Variants in ADAMTS8 observed in about 807,000 individuals in gnomAD.
The protein encoded by ADAMTS8 is ADAM metallopeptidase with thrombospondin type 1 motif 8.
Under a neutral mutation model 64.4 loss-of-function variants are expected in ADAMTS8, and 50 were observed. The observed-to-expected ratio is 0.78, with a 90% CI of 0.62 to 0.98. The LOEUF (loss-of-function observed/expected upper bound fraction) is 0.98, where lower values mean the gene tolerates loss of function less well. Ranked by LOEUF, ADAMTS8 falls within the 50% of genes least tolerant of loss-of-function variation. ADAMTS8 has a pLI of 0.00. For missense variants in ADAMTS8, 1,192 were observed against 1,208.2 expected, an observed-to-expected ratio of 0.99 and a Z score of 0.20; for synonymous variants, 556 against 533.6, an observed-to-expected ratio of 1.04 and a Z score of -0.58.
chr11:130,427,664 G>C lies in ADAMTS8; in HGVS notation c.623C>G (p.Thr208Arg), dbSNP rs371977062. 127 of 1,594,872 alleles carry C rather than the reference G, an allele frequency of 8.0e-5. No individual in the cohort carries two copies. Among genetic ancestry groups the C allele is most frequent in the South Asian group, 1.8e-4 (16 of 88,194 alleles). The stretch of plus-strand genomic sequence containing the variant: ...AGACACAAACCGCTTGGTCCTACTC[G>C]TGGCCCCCAGGGGCGGTGGCGGCTC... The part of the protein sequence containing the change: ...ASEPPPPLGA[T>R]SRTKRFVSEA... Residue 208 changes from threonine to arginine, a missense_variant, in exon 1 of 9, where the codon ACG becomes AGG. Around this residue, in one of 5 missense-constraint regions of ADAMTS8, gnomAD observed 741 missense variants for 710.6 expected, o/e 1.04. Transcript: ENST00000257359.
In ADAMTS8 at chr11:130,428,347, G is replaced by T; in HGVS notation, c.-61C>A. 8.0e-7 allele frequency: 1 copy of T among 1,255,086 alleles called. No individual in the cohort carries two copies. Among genetic ancestry groups the T allele is most frequent in the Non-Finnish European group, 1.0e-6 (1 of 988,216 alleles). 77.7% of individuals were successfully genotyped at this position (1,255,086 alleles called of 1,614,324 possible). A position where few individuals can be genotyped will look rare whatever the true frequency, so the allele number is the denominator to read the frequency against. On this transcript the variant is annotated 5_prime_UTR_variant, in exon 1 of 9. Coordinates refer to ENST00000257359, the MANE Select transcript of ADAMTS8 (RefSeq NM_007037.6). Reference sequence around the variant, plus strand: ...AGAAGCCCGCCAGGCGCGGGCAGGTGCTGGCGGCCCGAGCGCGGCCCGGCC... The same window carrying T: ...AGAAGCCCGCCAGGCGCGGGCAGGTTCTGGCGGCCCGAGCGCGGCCCGGCC...
intron 1 of ADAMTS8, among the ~76,000 whole-genome samples, chr11:130,424,086 T>C (rs971336553): frequency 1.1e-4 from 16 of 152,196 alleles, no homozygotes; most frequent in African/African-American, 3.9e-4. Flanking sequence ...GGCCTCACAG[T>C]GGGCCTGGAT....
chr11:130,410,571 T>A (rs1861940085), intron 6 of ADAMTS8, among the ~76,000 whole-genome samples: 1 of 152,214 alleles, frequency 6.6e-6, no homozygotes, highest in South Asian at 2.1e-4. Flanking sequence ...AGCCTACAGA[T>A]TCTCCTGAGA....
rs904596604 is a variant in ADAMTS8, at chr11:130,416,656, C to G, written c.1096+284G>C. On this transcript the variant is annotated intron_variant, in intron 3 of 8. Coordinates refer to ENST00000257359, the MANE Select transcript of ADAMTS8 (RefSeq NM_007037.6). The surrounding 1 kb of genome is among the most constrained non-coding windows in gnomAD (Gnocchi z 4.8). ...GCTTGTGCACAGCTCCACGCCTCCA[C>G]CCCAGCACGTGTCTGGTGTCCTGTG... Among the ~76,000 whole-genome samples, 10 of 152,242 alleles carry G rather than the reference C, an allele frequency of 6.6e-5. No homozygotes were observed. Among genetic ancestry groups the G allele is most frequent in the African/African-American group, 2.4e-4 (10 of 41,464 alleles).
At chr11:130,408,424 C>T (rs1861910139) in intron 8 of ADAMTS8, 40 bp downstream of exon 8, 1 of 1,609,370 alleles carries the variant, frequency 6.2e-7, no homozygotes, top group Admixed American at 1.7e-5. Context: ...CCATTATGCT[C>T]TTCTACCAAG....
At chr11:130,418,970 T>C in intron 2 of ADAMTS8, 83 bp downstream of exon 2, 1 of 1,586,678 alleles carries the variant, frequency 6.3e-7, no homozygotes, top group Non-Finnish European at 8.6e-7. Context: ...GTTTCCCATG[T>C]TTGGGCAGGC....
At position 130,428,229 on chromosome 11, in the gene ADAMTS8, GCA is replaced by G. The variant is rs1210028039; in HGVS notation, c.56_57del (p.Leu19ProfsTer180). On this transcript the variant is annotated frameshift_variant, in exon 1 of 9. Coordinates refer to ENST00000257359, the MANE Select transcript of ADAMTS8 (RefSeq NM_007037.6). LOFTEE classifies it high-confidence loss of function. ...RWPPLLLLLL[L>X]LLPLARGAPA... ...GGGGCGCCGCGGGCCAGCGGCAGCA[GCA>G]GCAGCAGCAGCAGCAGGAGCGGAGG... 15 of 1,221,610 alleles carry G rather than the reference GCA, an allele frequency of 1.2e-5. No individual in the cohort carries two copies. The highest frequency in any genetic ancestry group is 3.5e-5 in the East Asian group (1 of 28,736). 75.7% of individuals were successfully genotyped at this position (1,221,610 alleles called of 1,614,324 possible). A position where few individuals can be genotyped will look rare whatever the true frequency, so the allele number is the denominator to read the frequency against.
chr11:130,413,969 T>C (rs188188462), intron 5 of ADAMTS8, among the ~76,000 whole-genome samples: 120 of 152,298 alleles, frequency 7.9e-4, no homozygotes, highest in African/African-American at 2.7e-3. Context: ...AGCTCCCTAA[T>C]GTCTGGAGCC....
chr11:130,414,633 C>T lies in ADAMTS8; in HGVS notation c.1464G>A (p.Thr488=), dbSNP rs763866929. ...HTDGAEPLCH[T]KNGSLPWADG... ...CAGCCCAGGGCAGGCTGCCATTCTT[C>T]GTGTGGCACAGGGGCTCAGCCCCAT... is the stretch of plus-strand genomic sequence containing the variant. Residue 488 remains threonine, a synonymous_variant, in exon 5 of 9, where the codon ACG becomes ACA. Coordinates refer to ENST00000257359, the MANE Select transcript of ADAMTS8 (RefSeq NM_007037.6). The T allele has an allele frequency of 1.8e-5, 29 of 1,613,604 alleles. No homozygotes were observed. Among genetic ancestry groups the T allele is most frequent in the South Asian group, 5.5e-5 (5 of 91,084 alleles).
intron 1 of ADAMTS8, among the ~76,000 whole-genome samples, chr11:130,426,629 T>C (rs532559634): frequency 3.3e-5 from 5 of 152,156 alleles, no homozygotes; most frequent in Non-Finnish European, 7.4e-5. Context: ...AGGGGAGAAA[T>C]TGGGGTTTAG....
rs1473144681 is a variant in ADAMTS8, at chr11:130,428,277, C to T, written c.10G>A (p.Ala4Thr). 1.7e-6 allele frequency: 2 copies of T among 1,203,636 alleles called. No individual in the cohort carries two copies. Among genetic ancestry groups the T allele is most frequent in the Non-Finnish European group, 2.1e-6 (2 of 973,200 alleles). The allele number at this position is 1,203,636 out of a possible 1,614,324, so 74.6% of individuals were successfully genotyped here. ...GGAGGCCACCGGGGGGCGGCGGGGG[C>T]GGGGAGCATGGGGGCTGCGGCGGTG... is the stretch of plus-strand genomic sequence containing the variant. MLP[A>T]PAAPRWPPLL... Residue 4 changes from alanine (A) to threonine (T), a missense_variant, in exon 1 of 9, where the codon GCC becomes ACC. Transcript: ENST00000257359.
Position 130,419,054 on chromosome 11 carries a change from T to G in ADAMTS8, c.959A>C (p.Gln320Pro), listed in dbSNP as rs777394055. ...HYDTAILLTRQNFCGQEGLCD... is the reference protein window; with the variant it reads ...HYDTAILLTRPNFCGQEGLCD... ...GGGCTTCCGGAGCCAGGCACGGACCTGTCTGGTGAGCAGGATGGCCGTGTC... is the reference window on the plus strand; with the variant it reads ...GGGCTTCCGGAGCCAGGCACGGACCGGTCTGGTGAGCAGGATGGCCGTGTC... Residue 320 changes from glutamine (Q) to proline (P), a missense_variant and splice_region_variant, in exon 2 of 9, where the codon CAG becomes CCG. This residue lies in a region of ADAMTS8 where 741 missense variants were observed against 710.6 expected (regional missense o/e 1.04). Coordinates refer to ENST00000257359, the MANE Select transcript of ADAMTS8 (RefSeq NM_007037.6). The G allele has an allele frequency of 1.2e-6, 2 of 1,614,120 alleles. No individual in the cohort carries two copies. Among genetic ancestry groups the G allele is most frequent in the Non-Finnish European group, 1.7e-6 (2 of 1,180,034 alleles).
chr11:130,411,316 C>T lies in ADAMTS8; in HGVS notation c.1750+101G>A, dbSNP rs148965109. 315 of 1,432,492 alleles carry T rather than the reference C, an allele frequency of 2.2e-4. No homozygotes were observed. In the African/African-American group the frequency reaches 3.2e-3, roughly 15 times the overall value. 88.7% of individuals were successfully genotyped at this position (1,432,492 alleles called of 1,614,324 possible). ...CTCCCCTCTGGGAGTAACTCTATATCCCGGGACACCCACTTCACTCCCACT... is the reference window on the plus strand; with the variant it reads ...CTCCCCTCTGGGAGTAACTCTATATTCCGGGACACCCACTTCACTCCCACT... On this transcript the variant is annotated intron_variant, in intron 6 of 8. Transcript: ENST00000257359. This position sits in a 1 kb window ranked among gnomAD's most constrained non-coding sequence, Gnocchi z 4.2.
intron 5 of ADAMTS8, chr11:130,412,231 T>C (rs1175350421): frequency 6.6e-6 from 1 of 152,402 alleles, no homozygotes; most frequent in Non-Finnish European, 1.5e-5. Context: ...TTCCTTTTTT[T>C]TTGACAGAGT....
chr11:130,406,180 T>G (rs1271777630), intron 8 of ADAMTS8, 52 bp from the exon 9 acceptor site: 11 of 1,558,232 alleles, frequency 7.1e-6, no homozygotes, highest in African/African-American at 1.3e-5. Context: ...CCAGCCCAGG[T>G]CACGATGATG....
chr11:130,422,457 T>C (rs1565380197), intron 1 of ADAMTS8, among the ~76,000 whole-genome samples: 2 of 152,048 alleles, frequency 1.3e-5, no homozygotes, highest in Admixed American at 6.6e-5. Flanking sequence ...TCCAGCCGGT[T>C]TGCGCTTCAC....
chr11:130,414,531 C>T lies in ADAMTS8; in HGVS notation c.1566G>A (p.Lys522=), dbSNP rs1861993887. ...GCTATCCTCAGGGGCTGTCCCTCACCTTGGGCCTCTCCACTTCCTCCTCAG... is the reference window on the plus strand; with the variant it reads ...GCTATCCTCAGGGGCTGTCCCTCACTTTGGGCCTCTCCACTTCCTCCTCAG... ...CLPEEEVERP[K]PVADGGWAPW... The change falls in exon 5 of 9, where the codon AAG becomes AAA. Residue 522 remains lysine (K), a splice_region_variant and synonymous_variant. Coordinates refer to ENST00000257359, the MANE Select transcript of ADAMTS8 (RefSeq NM_007037.6). The T allele has an allele frequency of 6.3e-7, 1 of 1,595,524 alleles. No individual in the cohort carries two copies. Among genetic ancestry groups the T allele is most frequent in the South Asian group, 1.1e-5 (1 of 89,054 alleles).
intron 1 of ADAMTS8, among the ~76,000 whole-genome samples, chr11:130,423,019 C>T (rs1356216009): frequency 2.0e-5 from 3 of 152,236 alleles, no homozygotes; most frequent in Admixed American, 2.0e-4. Flanking sequence ...CTGAAATAAT[C>T]GAGGTACACA....
intron 8 of ADAMTS8, among the ~76,000 whole-genome samples, chr11:130,408,024 C>T (rs1164107042): frequency 2.0e-5 from 3 of 152,112 alleles, no homozygotes; most frequent in Non-Finnish European, 4.4e-5. Flanking sequence ...TTGGTAACCC[C>T]CTTCTCTGAA....
Sources: allele counts gnomAD v4.1 joint callset (sites outside exome capture counted in the v4.1 genomes callset), GRCh38; gene constraint gnomAD v4.1.1; regional missense constraint gnomAD v4.1.1; non-coding constraint Gnocchi (gnomAD v3.1); transcripts MANE v1.5; gene names NCBI Gene and HGNC (gene_info 2026-07-23, HGNC 2026-07-21).